The following RAPGEF4 variants were observed in gnomAD, a reference collection of about 807,000 sequenced individuals.
The protein encoded by RAPGEF4 is RAP guanine-nucleotide-exchange factor (GEF) 4.
Under a neutral mutation model 147.9 loss-of-function variants are expected in RAPGEF4, and 66 were observed. The ratio of observed to expected loss-of-function variants is 0.45; its 90% CI spans 0.37 to 0.55. The LOEUF is 0.55. Ranked by LOEUF, RAPGEF4 falls within the 20% of genes least tolerant of loss-of-function variation. The pLI is 0.00. For missense variants in RAPGEF4, 1,071 were observed against 1,257.3 expected (o/e 0.85, Z 2.24); for synonymous variants, 419 against 442.7 (o/e 0.95, Z 0.67).
At chr2:172,884,002 C>T (rs915710497) in intron 4 of RAPGEF4, among the ~76,000 whole-genome samples, 2 of 152,160 alleles carry the variant, frequency 1.3e-5, no homozygotes, top group Non-Finnish European at 2.9e-5. Flanking sequence ...GGGACAGCAG[C>T]TATGGTATCA....
chr2:172,794,347 C>CAAAAAAAAAAAAAAAAAA (rs59850502), intron 1 of RAPGEF4, among the ~76,000 whole-genome samples: 2 of 101,926 alleles, frequency 2.0e-5, no homozygotes, highest in African/African-American at 3.8e-5. Context: ...AACTCCATCT[C>CAAAAAAAAAAAAAAAAAA]AAAAAAAAAA....
intron 11 of RAPGEF4, 77 bp from the exon 12 acceptor site, chr2:172,985,356 C>T: frequency 6.2e-7 from 1 of 1,602,916 alleles, no homozygotes; most frequent in Non-Finnish European, 8.5e-7. Flanking sequence ...TGCATTGTGC[C>T]CCCAGAAAGA....
At chr2:172,852,827 A>G (rs1414550951) in intron 4 of RAPGEF4, among the ~76,000 whole-genome samples, 1 of 152,106 alleles carries the variant, frequency 6.6e-6, no homozygotes, top group Non-Finnish European at 1.5e-5. Context: ...AAAATCACAC[A>G]TTGATATTAA....
At chr2:172,989,717 C>T (rs943609696) in intron 14 of RAPGEF4, among the ~76,000 whole-genome samples, 1 of 152,190 alleles carries the variant, frequency 6.6e-6, no homozygotes, top group Non-Finnish European at 1.5e-5. Flanking sequence ...CCCGCCCTAG[C>T]TTGAGTTCAC....
intron 4 of RAPGEF4, among the ~76,000 whole-genome samples, chr2:172,837,162 C>G (rs1041612696): frequency 1.3e-5 from 2 of 152,154 alleles, no homozygotes; most frequent in Non-Finnish European, 2.9e-5. Flanking sequence ...TGAATCCTAA[C>G]TATGGGCTTT....
At position 172,858,276 on chromosome 2, in the gene RAPGEF4, G is replaced by T. The variant is rs2149765760; in HGVS notation, c.444+43851G>T. 4.6e-5 allele frequency among the ~76,000 whole-genome samples: 7 copies of T among 152,164 alleles called. 1 individual carries two copies. The South Asian group carries it at 1.5e-3, about 32-fold the overall frequency. On this transcript the variant is annotated intron_variant, in intron 4 of 30. Transcript: ENST00000397081. Reference sequence around the variant, plus strand: ...TTTCATCGTATTCCTCTTACCCCTTGATTTTATCTTTATGATGTATTTTCA... The same window carrying T: ...TTTCATCGTATTCCTCTTACCCCTTTATTTTATCTTTATGATGTATTTTCA...
chr2:172,831,329 C>T (rs1391178287), intron 4 of RAPGEF4, among the ~76,000 whole-genome samples: 4 of 111,896 alleles, frequency 3.6e-5, no homozygotes, highest in South Asian at 3.0e-4. Flanking sequence ...AGTGCAGTGG[C>T]GCAATCTTGG....
At chr2:172,813,205 A>G (rs915199892) in intron 3 of RAPGEF4, among the ~76,000 whole-genome samples, 20 of 152,212 alleles carry the variant, frequency 1.3e-4, no homozygotes, top group African/African-American at 4.8e-4. Flanking sequence ...ATTATCGTAT[A>G]TTAGATGCAT....
intron 30 of RAPGEF4, among the ~76,000 whole-genome samples, chr2:173,049,383 G>A (rs896783721): frequency 5.3e-5 from 8 of 152,228 alleles, no homozygotes; most frequent in African/African-American, 1.7e-4. Flanking sequence ...CCCTCAATCT[G>A]GTCTGGAAAT....
At chr2:172,918,979 C>T (rs1437449206) in intron 5 of RAPGEF4, among the ~76,000 whole-genome samples, 1 of 152,178 alleles carries the variant, frequency 6.6e-6, no homozygotes. Context: ...CCGCATTTCA[C>T]TATTTCTATG....
At chr2:172,821,737 T>TAAAAAAAAAAAA (rs35414922) in intron 4 of RAPGEF4, 1 of 674,810 alleles carries the variant, frequency 1.5e-6, no homozygotes, top group Admixed American at 1.1e-4. Flanking sequence ...TAACTAAAGT[T>TAAAAAAAAAAAA]AAAAAAAAAA....
intron 28 of RAPGEF4, 139 bp from the exon 29 acceptor site, chr2:173,036,489 G>A (rs1684023030): frequency 1.4e-6 from 1 of 697,988 alleles, no homozygotes; most frequent in South Asian, 2.0e-5. Context: ...TAAACACCTA[G>A]CATTAAAGGA....
At chr2:172,857,382 T>C (rs558953146) in intron 4 of RAPGEF4, among the ~76,000 whole-genome samples, 3 of 152,306 alleles carry the variant, frequency 2.0e-5, no homozygotes, top group Non-Finnish European at 4.4e-5. Flanking sequence ...CCTTATGGTG[T>C]CAATTCCTTA....
intron 4 of RAPGEF4, among the ~76,000 whole-genome samples, chr2:172,900,632 T>C (rs1017576795): frequency 8.5e-5 from 13 of 152,176 alleles, no homozygotes; most frequent in African/African-American, 2.9e-4. Flanking sequence ...ATTCTGCCAA[T>C]TGTTTACATT....
chr2:172,743,397 G>A (rs541358961), intron 1 of RAPGEF4, among the ~76,000 whole-genome samples: 1 of 152,276 alleles, frequency 6.6e-6, no homozygotes, highest in East Asian at 1.9e-4. Flanking sequence ...GAAACACAAA[G>A]TGCTGCCACT....
intron 4 of RAPGEF4, among the ~76,000 whole-genome samples, chr2:172,819,506 C>T (rs1688847599): frequency 7.8e-6 from 1 of 128,204 alleles, no homozygotes; most frequent in Non-Finnish European, 1.6e-5. Context: ...CGCTCTGTCG[C>T]CCAGGCTGGA....
At chr2:173,016,009 C>A (rs1393830184) in intron 18 of RAPGEF4, among the ~76,000 whole-genome samples, 5 of 152,154 alleles carry the variant, frequency 3.3e-5, no homozygotes, top group African/African-American at 9.7e-5. Flanking sequence ...AGTTCACCTG[C>A]AATTTACTTT....
chr2:173,028,388 G>A (rs1696857391), intron 25 of RAPGEF4, among the ~76,000 whole-genome samples: 1 of 152,164 alleles, frequency 6.6e-6, no homozygotes, highest in Admixed American at 6.5e-5. Flanking sequence ...TTTCCCGTTA[G>A]AAGAAGCACA....
chr2:172,814,206 G>T (rs2149603730), intron 3 of RAPGEF4, 73 bp from the exon 4 acceptor site: 1 of 1,463,260 alleles, frequency 6.8e-7, no homozygotes, highest in Non-Finnish European at 9.5e-7. Context: ...AAATTATACT[G>T]CAGTTAAAGA....
Sources: allele counts gnomAD v4.1 joint callset (sites outside exome capture counted in the v4.1 genomes callset), GRCh38; gene constraint gnomAD v4.1.1; transcripts MANE v1.5; gene names NCBI Gene and HGNC (gene_info 2026-07-23, HGNC 2026-07-21).